The following GARIN5A variants were observed in gnomAD, a reference collection of about 807,000 sequenced individuals.
GARIN5A encodes the protein golgi associated RAB2 interactor 5A, also known as Golgi-associated RAB2 interactor protein 5A.
chr19:50,471,605 T>G, the GARIN5A span, among the ~76,000 whole-genome samples: 5 of 152,170 alleles, frequency 3.3e-5, no homozygotes, highest in South Asian at 1.0e-3. Context: ...TGGATCCATA[T>G]ATATGTGTGT....
At chr19:50,470,389 A>T in the GARIN5A span, among the ~76,000 whole-genome samples, 1 of 151,968 alleles carries the variant, frequency 6.6e-6, no homozygotes, top group Non-Finnish European at 1.5e-5. Context: ...GGCACATGCC[A>T]GTAATCCCAG....
At chr19:50,469,244 G>T in the GARIN5A span, among the ~76,000 whole-genome samples, 1 of 152,170 alleles carries the variant, frequency 6.6e-6, no homozygotes, top group Non-Finnish European at 1.5e-5. Context: ...TTGCACAGAT[G>T]GTTCCCTCCA....
At chr19:50,472,176 A>ATGTATGTATACGTGTG in the GARIN5A span, among the ~76,000 whole-genome samples, 22 of 143,058 alleles carry the variant, frequency 1.5e-4, no homozygotes, top group African/African-American at 5.2e-4. Flanking sequence ...ACGTGTGTAT[A>ATGTATGTATACGTGTG]TGTATGTATA....
chr19:50,472,261 GTGTATATA>G, the GARIN5A span, among the ~76,000 whole-genome samples: 3 of 116,004 alleles, frequency 2.6e-5, no homozygotes, highest in South Asian at 2.4e-4. Flanking sequence ...ACATGTATGT[GTGTATATA>G]TGTATATATA....
the GARIN5A span, among the ~76,000 whole-genome samples, chr19:50,472,227 T>TACATGTATGTGTATATGTATATATATAC: frequency 3.3e-4 from 26 of 77,926 alleles, no homozygotes; most frequent in African/African-American, 1.4e-3. Flanking sequence ...TATGTATATA[T>TACATGTATGTGTATATGTATATATATAC]ACATGTATGT....
At chr19:50,475,314 G>A in the GARIN5A span, 2 of 1,577,692 alleles carry the variant, frequency 1.3e-6, no homozygotes, top group Non-Finnish European at 1.7e-6. Flanking sequence ...GGCTGAGGTG[G>A]GGGCAGTTAC....
At chr19:50,470,662 T>G in the GARIN5A span, among the ~76,000 whole-genome samples, 1 of 150,424 alleles carries the variant, frequency 6.6e-6, no homozygotes, top group East Asian at 2.0e-4. Flanking sequence ...CTGCTGTTTT[T>G]TTTTTTTTTT....
chr19:50,476,761 A>G, the GARIN5A span: 25 of 741,560 alleles, frequency 3.4e-5, no homozygotes, highest in Non-Finnish European at 4.9e-5. Flanking sequence ...CAGGGCTGAG[A>G]GGGAAGAGGT....
At chr19:50,476,290 A>G in the GARIN5A span, 213 of 1,603,476 alleles carry the variant, frequency 1.3e-4, 1 homozygote, top group African/African-American at 2.5e-3. Flanking sequence ...CATGATGCGG[A>G]GCGGGCTTTA....
the GARIN5A span, chr19:50,475,460 G>A: frequency 6.2e-7 from 1 of 1,602,018 alleles, no homozygotes; most frequent in Non-Finnish European, 8.5e-7. Flanking sequence ...AGTCACCTGG[G>A]GCCAGAGGTC....
the GARIN5A span, among the ~76,000 whole-genome samples, chr19:50,471,988 G>GTA: frequency 0.028 from 4,185 of 147,444 alleles, 84 homozygotes; most frequent in Non-Finnish European, 0.041. Flanking sequence ...GTGTGTATAT[G>GTA]TATATATACG....
At chr19:50,473,525 G>T in the GARIN5A span, among the ~76,000 whole-genome samples, 9 of 151,956 alleles carry the variant, frequency 5.9e-5, no homozygotes, top group South Asian at 2.1e-4. Flanking sequence ...GGCTAGCTTT[G>T]TAATTTTGAT....
At chr19:50,472,195 T>C in the GARIN5A span, among the ~76,000 whole-genome samples, 1 of 150,700 alleles carries the variant, frequency 6.6e-6, no homozygotes, top group African/African-American at 2.5e-5. Flanking sequence ...TACATGTATG[T>C]GTGCATGTAT....
the GARIN5A span, chr19:50,475,430 T>C: frequency 1.2e-6 from 2 of 1,609,108 alleles, no homozygotes; most frequent in African/African-American, 1.3e-5. Flanking sequence ...GGTGACCTCG[T>C]TGGCAACTTC....
chr19:50,472,216 G>GTGTGTATATATACATGTATGTGTGTA, the GARIN5A span, among the ~76,000 whole-genome samples: 2 of 129,376 alleles, frequency 1.5e-5, no homozygotes, highest in Non-Finnish European at 3.1e-5. Context: ...ATACATGTGT[G>GTGTGTATATATACATGTATGTGTGTA]TATGTATATA....
chr19:50,469,852 G>A, the GARIN5A span, among the ~76,000 whole-genome samples: 7 of 152,174 alleles, frequency 4.6e-5, no homozygotes, highest in African/African-American at 1.2e-4. Context: ...GCCTGTAACC[G>A]AGATGCCAAC....
At chr19:50,476,834 C>G in the GARIN5A span, 3 of 504,620 alleles carry the variant, frequency 5.9e-6, no homozygotes, top group Non-Finnish European at 1.0e-5. Flanking sequence ...GCCAGTGCAC[C>G]GGGTTGCAAG....
the GARIN5A span, among the ~76,000 whole-genome samples, chr19:50,473,105 G>A: frequency 2.4e-4 from 37 of 152,184 alleles, no homozygotes; most frequent in Non-Finnish European, 4.6e-4. Flanking sequence ...CTTTGTGAAA[G>A]GTTTTTAACT....
chr19:50,467,803 A>G, the GARIN5A span: 2 of 1,613,300 alleles, frequency 1.2e-6, no homozygotes, highest in Non-Finnish European at 1.7e-6. Context: ...GTGGACAAAG[A>G]GCTGGACGAA....
Sources: gnomAD v4.1 joint callset for allele counts (sites outside exome capture counted in the v4.1 genomes callset) on GRCh38, gnomAD v4.1.1 for gene constraint, MANE v1.5 for transcripts, NCBI Gene and HGNC (gene_info 2026-07-23, HGNC 2026-07-21) for gene names.